Variants in RBMS3 observed in about 807,000 individuals in gnomAD.
RBMS3 encodes RNA binding motif single stranded interacting protein 3, also known as RNA-binding motif, single-stranded-interacting protein 3.
In RBMS3, 27 loss-of-function variants were observed where a neutral mutation model predicts 66.8. The ratio of observed to expected loss-of-function variants is 0.40; its 90% confidence interval spans 0.30 to 0.56. The LOEUF is 0.56. Ranked by LOEUF, RBMS3 falls within the 20% of genes least tolerant of loss-of-function variation. RBMS3 has a pLI of 0.40. For synonymous variants in RBMS3, 188 were observed against 183.0 expected (o/e 1.03, Z -0.22); for missense variants, 513 against 549.5 (o/e 0.93, Z 0.66).
intron 1 of RBMS3, among the ~76,000 whole-genome samples, chr3:29,383,791 A>G (rs1244686962): frequency 6.6e-6 from 1 of 152,156 alleles, no homozygotes; most frequent in Non-Finnish European, 1.5e-5. Context: ...TAACAATATG[A>G]TCCTGGATCG....
chr3:29,701,657 GC>G (rs1244144534), intron 4 of RBMS3, among the ~76,000 whole-genome samples: 6 of 152,138 alleles, frequency 3.9e-5, no homozygotes, highest in Non-Finnish European at 5.9e-5. Context: ...GGCTGGGCGG[GC>G]CCGCACTCGG....
intron 1 of RBMS3, among the ~76,000 whole-genome samples, chr3:29,387,631 G>T (rs548668854): frequency 6.6e-6 from 1 of 151,998 alleles, no homozygotes; most frequent in Non-Finnish European, 1.5e-5. Flanking sequence ...GGCCGGGCGC[G>T]GTGGCTCACA....
At chr3:29,803,959 T>G (rs1217054559) in intron 6 of RBMS3, among the ~76,000 whole-genome samples, 2 of 152,074 alleles carry the variant, frequency 1.3e-5, no homozygotes, top group African/African-American at 4.8e-5. Context: ...ATCTGTATTT[T>G]TTTCTAAACT....
At chr3:29,627,912 T>C (rs1245293400) in intron 4 of RBMS3, among the ~76,000 whole-genome samples, 1 of 152,038 alleles carries the variant, frequency 6.6e-6, no homozygotes, top group African/African-American at 2.4e-5. Flanking sequence ...TATGAGGGGG[T>C]AACTTGATTT....
At chr3:29,957,638 T>C (rs539418514) in intron 12 of RBMS3, among the ~76,000 whole-genome samples, 1 of 152,186 alleles carries the variant, frequency 6.6e-6, no homozygotes, top group African/African-American at 2.4e-5. Context: ...AATGTGTCTA[T>C]TAGAAATATG....
At chr3:29,474,690 C>T (rs1317820773) in intron 2 of RBMS3, among the ~76,000 whole-genome samples, 1 of 152,096 alleles carries the variant, frequency 6.6e-6, no homozygotes, top group Non-Finnish European at 1.5e-5. Context: ...GACAGTGCTA[C>T]GAAGAGGCGT....
intron 1 of RBMS3, among the ~76,000 whole-genome samples, chr3:29,418,437 C>A (rs1052739689): frequency 6.6e-6 from 1 of 152,144 alleles, no homozygotes; most frequent in Non-Finnish European, 1.5e-5. Context: ...AATTAATGAC[C>A]AGTGGAATCC....
At chr3:29,686,999 A>G (rs1313757615) in intron 4 of RBMS3, among the ~76,000 whole-genome samples, 3 of 152,180 alleles carry the variant, frequency 2.0e-5, no homozygotes, top group African/African-American at 4.8e-5. Flanking sequence ...GCTGCACTCT[A>G]CAAGTATATC....
intron 4 of RBMS3, among the ~76,000 whole-genome samples, chr3:29,699,627 C>T (rs768559459): frequency 1.1e-4 from 16 of 152,088 alleles, no homozygotes; most frequent in Non-Finnish European, 1.6e-4. Context: ...TCTCAGTTAA[C>T]ATTGTGACGT....
chr3:29,541,553 G>A (rs753973420), intron 3 of RBMS3, among the ~76,000 whole-genome samples: 22 of 152,206 alleles, frequency 1.4e-4, no homozygotes, highest in Non-Finnish European at 2.1e-4. Context: ...ACAACCTCGT[G>A]TAAGCGCAGG....
In RBMS3 at chr3:29,899,704, G is replaced by A; in HGVS notation, c.889-1G>A. ...GCTAATAAATGCTGTTTGATGCATA[G>A]GTCCAGAGTACTTCATGGATGCCTC... On this transcript the variant is annotated splice_acceptor_variant, in intron 9 of 14. Transcript: ENST00000383767. LOFTEE classifies it high-confidence loss of function. 1 of 1,609,556 alleles carries A rather than the reference G, an allele frequency of 6.2e-7. No individual in the cohort carries two copies. Among genetic ancestry groups the A allele is most frequent in the Non-Finnish European group, 8.5e-7 (1 of 1,177,498 alleles).
chr3:29,337,940 T>G (rs755326733), intron 1 of RBMS3, among the ~76,000 whole-genome samples: 3 of 152,158 alleles, frequency 2.0e-5, no homozygotes, highest in Non-Finnish European at 4.4e-5. Context: ...GGAAAACAAC[T>G]CTGTTGACTA....
At chr3:29,875,640 TG>T (rs2059595064) in intron 7 of RBMS3, among the ~76,000 whole-genome samples, 1 of 152,154 alleles carries the variant, frequency 6.6e-6, no homozygotes, top group Non-Finnish European at 1.5e-5. Flanking sequence ...ACATAAAATA[TG>T]GTAACACTGT....
At chr3:29,486,792 C>T (rs979300165) in intron 2 of RBMS3, among the ~76,000 whole-genome samples, 1 of 152,058 alleles carries the variant, frequency 6.6e-6, no homozygotes, top group Non-Finnish European at 1.5e-5. Context: ...ATATTTAAGA[C>T]AGAGCTAAAT....
chr3:29,321,336 T>G (rs1452713048), intron 1 of RBMS3, among the ~76,000 whole-genome samples: 2 of 152,176 alleles, frequency 1.3e-5, no homozygotes, highest in Admixed American at 1.3e-4. Flanking sequence ...TGTTTTCCAT[T>G]TAACAAATGT....
At chr3:29,970,937 G>A (rs1003539071) in intron 12 of RBMS3, among the ~76,000 whole-genome samples, 3 of 151,954 alleles carry the variant, frequency 2.0e-5, no homozygotes, top group African/African-American at 4.8e-5. Flanking sequence ...GGAATTTCAG[G>A]CCCATACCAC....
At chr3:29,346,897 G>T (rs1452533842) in intron 1 of RBMS3, among the ~76,000 whole-genome samples, 1 of 152,182 alleles carries the variant, frequency 6.6e-6, no homozygotes, top group Admixed American at 6.5e-5. Flanking sequence ...TTACGTGAAA[G>T]AACTCCTTTG....
chr3:29,919,457 C>T (rs1313776550), intron 10 of RBMS3, among the ~76,000 whole-genome samples: 1 of 152,186 alleles, frequency 6.6e-6, no homozygotes, highest in African/African-American at 2.4e-5. Context: ...GCAGACCTCA[C>T]ATCTATCTCA....
chr3:29,925,497 A>C (rs947372275), intron 10 of RBMS3, among the ~76,000 whole-genome samples: 4 of 152,190 alleles, frequency 2.6e-5, no homozygotes, highest in Admixed American at 2.0e-4. Flanking sequence ...ATGATTGAGG[A>C]ACTATACTAA....
Sources: allele counts gnomAD v4.1 joint callset (sites outside exome capture counted in the v4.1 genomes callset), GRCh38; gene constraint gnomAD v4.1.1; transcripts MANE v1.5; gene names NCBI Gene and HGNC (gene_info 2026-07-23, HGNC 2026-07-21).